The following MYO3B variants were observed in gnomAD, a reference collection of about 807,000 sequenced individuals.
MYO3B encodes the protein myosin IIIB.
A neutral mutation model predicts 174.6 loss-of-function variants in MYO3B; 156 were observed. The ratio of observed to expected loss-of-function variants is 0.89; its 90% confidence interval spans 0.78 to 1.02. The LOEUF (loss-of-function observed/expected upper bound fraction) is 1.02, where lower values mean the gene tolerates loss of function less well. MYO3B is among the 50% of genes least tolerant of loss of function. The probability of loss-of-function intolerance (pLI) is 0.00; values close to 1 mark genes in which losing one functional copy is unlikely to be tolerated. For missense variants in MYO3B, 1,632 were observed against 1,639.4 expected, an observed-to-expected ratio of 1.00 and a Z score of 0.08; for synonymous variants, 563 against 569.1, an observed-to-expected ratio of 0.99 and a Z score of 0.15.
intron 25 of MYO3B, among the ~76,000 whole-genome samples, chr2:170,481,588 A>G (rs970398234): frequency 1.3e-5 from 2 of 152,166 alleles, no homozygotes; most frequent in Non-Finnish European, 2.9e-5. Context: ...AAAATTTAAA[A>G]ATTTTTAAAA....
intron 3 of MYO3B, among the ~76,000 whole-genome samples, chr2:170,204,656 G>A (rs1237665476): frequency 6.6e-6 from 1 of 152,140 alleles, no homozygotes; most frequent in African/African-American, 2.4e-5. Flanking sequence ...AATTCTAGAT[G>A]CATTCAGCTA....
chr2:170,472,296 C>T (rs886230815), intron 25 of MYO3B, among the ~76,000 whole-genome samples: 2 of 152,106 alleles, frequency 1.3e-5, no homozygotes, highest in East Asian at 3.9e-4. Context: ...TGATTTGGCC[C>T]CTGCTTACTT....
chr2:170,374,241 G>A (rs1438377278), intron 9 of MYO3B, among the ~76,000 whole-genome samples: 1 of 152,176 alleles, frequency 6.6e-6, no homozygotes, highest in African/African-American at 2.4e-5. Context: ...CAAGGGAATC[G>A]AGGTTAGTAG....
chr2:170,216,444 A>C (rs2092829021), intron 5 of MYO3B, among the ~76,000 whole-genome samples: 1 of 152,208 alleles, frequency 6.6e-6, no homozygotes, highest in African/African-American at 2.4e-5. Flanking sequence ...TGAGGCTCAA[A>C]GGTGAAGCAA....
chr2:170,366,951 T>A (rs764500061), intron 8 of MYO3B, among the ~76,000 whole-genome samples: 9 of 152,190 alleles, frequency 5.9e-5, no homozygotes, highest in Non-Finnish European at 1.3e-4. Context: ...CTTTACTTAC[T>A]GAAGTACCCA....
chr2:170,405,785 T>A, intron 21 of MYO3B, 152 bp downstream of exon 21: 2 of 712,026 alleles, frequency 2.8e-6, no homozygotes, highest in Admixed American at 2.9e-5. Context: ...AGTTTCTCAG[T>A]GGTGCCACTC....
chr2:170,214,927 A>G (rs936457059), intron 5 of MYO3B, 99 bp downstream of exon 5: 12 of 892,842 alleles, frequency 1.3e-5, no homozygotes, highest in African/African-American at 3.3e-5. Flanking sequence ...CTGCTACACC[A>G]TAGGCTGAGG....
chr2:170,190,815 C>G (rs1469414219), intron 1 of MYO3B, among the ~76,000 whole-genome samples: 1 of 152,044 alleles, frequency 6.6e-6, no homozygotes. Context: ...GAACTGAGGA[C>G]CCTAAGAGCC....
Position 170,399,511 on chromosome 2 carries a change from TTA to T in MYO3B, c.1792-672_1792-671del, listed in dbSNP as rs534895574. Reference sequence around the variant, plus strand: ...AAAGGTTAATTATATATATTTCTTGTTATATAAAAATATAATTTAATATACAA... The same window carrying T: ...AAAGGTTAATTATATATATTTCTTGTTATAAAAATATAATTTAATATACAA... On this transcript the variant is annotated intron_variant, in intron 16 of 34. Transcript: ENST00000408978. Among the ~76,000 whole-genome samples, 282 of 151,478 alleles carry T rather than the reference TTA, an allele frequency of 1.9e-3. 4 individuals carry two copies. The highest frequency in any genetic ancestry group is 6.5e-3 in the African/African-American group (271 of 41,452).
intron 32 of MYO3B, among the ~76,000 whole-genome samples, chr2:170,623,768 A>T (rs1457350344): frequency 6.6e-6 from 1 of 152,190 alleles, no homozygotes; most frequent in African/African-American, 2.4e-5. Context: ...TAACAAAGGG[A>T]TCCAGTTTCA....
intron 23 of MYO3B, among the ~76,000 whole-genome samples, chr2:170,460,015 C>T (rs1575013775): frequency 6.6e-6 from 1 of 152,048 alleles, no homozygotes; most frequent in South Asian, 2.1e-4. Flanking sequence ...CCCTCTTTAC[C>T]TCCCCGCAAG....
At chr2:170,224,827 C>G (rs1009249011) in intron 6 of MYO3B, among the ~76,000 whole-genome samples, 9 of 152,174 alleles carry the variant, frequency 5.9e-5, no homozygotes, top group African/African-American at 2.2e-4. Context: ...ATGGGTCTCT[C>G]TCTGCCTGGC....
chr2:170,622,520 AT>A (rs756254161), intron 32 of MYO3B, among the ~76,000 whole-genome samples: 3 of 152,218 alleles, frequency 2.0e-5, no homozygotes, highest in Non-Finnish European at 4.4e-5. Flanking sequence ...TTCTTATGCC[AT>A]TAATATGCAA....
At chr2:170,472,809 C>T (rs1685058431) in intron 25 of MYO3B, among the ~76,000 whole-genome samples, 1 of 151,942 alleles carries the variant, frequency 6.6e-6, no homozygotes, top group Non-Finnish European at 1.5e-5. Flanking sequence ...TCAAGCGACC[C>T]TCCCACCTTA....
intron 7 of MYO3B, among the ~76,000 whole-genome samples, chr2:170,248,361 C>A (rs935302759): frequency 6.6e-6 from 1 of 152,148 alleles, no homozygotes; most frequent in Non-Finnish European, 1.5e-5. Flanking sequence ...TGTCTTCAGG[C>A]TCAGTCCCAT....
intron 32 of MYO3B, among the ~76,000 whole-genome samples, chr2:170,581,928 T>A (rs1391801638): frequency 1.3e-5 from 2 of 152,224 alleles, no homozygotes; most frequent in Non-Finnish European, 2.9e-5. Context: ...AGACAAAAGA[T>A]GTGTGTCATT....
intron 8 of MYO3B, among the ~76,000 whole-genome samples, chr2:170,366,416 T>C (rs919670670): frequency 3.3e-5 from 5 of 152,142 alleles, no homozygotes; most frequent in African/African-American, 1.2e-4. Flanking sequence ...TCCTCCTGCC[T>C]CAGCCTCCCA....
intron 33 of MYO3B, 87 bp from the exon 34 acceptor site, chr2:170,652,021 G>A: frequency 7.2e-7 from 1 of 1,383,686 alleles, no homozygotes; most frequent in Non-Finnish European, 1.0e-6. Context: ...ATCAGCATCT[G>A]CTTGCATTCA....
intron 30 of MYO3B, among the ~76,000 whole-genome samples, chr2:170,539,261 T>C (rs1278497577): frequency 6.6e-6 from 1 of 152,248 alleles, no homozygotes; most frequent in African/African-American, 2.4e-5. Context: ...TGTGGTCTTA[T>C]CCAGCTTGTC....
Sources: allele counts gnomAD v4.1 joint callset (sites outside exome capture counted in the v4.1 genomes callset), GRCh38; gene constraint gnomAD v4.1.1; transcripts MANE v1.5; gene names NCBI Gene and HGNC (gene_info 2026-07-23, HGNC 2026-07-21).